WWOX: variants seen among roughly 807,000 people sequenced by gnomAD.
WWOX encodes WW domain containing oxidoreductase.
In WWOX, 69 loss-of-function variants were observed where a neutral mutation model predicts 46.2. That is an observed-to-expected ratio of 1.49 (90% confidence interval 1.23 to 1.82). The LOEUF is 1.82. WWOX is among the 40% of genes most tolerant of loss of function. WWOX has a pLI of 0.00. For synonymous variants in WWOX, 359 were observed against 202.6 expected, an observed-to-expected ratio of 1.77 and a Z score of -6.56; for missense variants, 919 against 542.6, an observed-to-expected ratio of 1.69 and a Z score of -6.89.
chr16:78,658,880 T>C (rs1391020197), intron 8 of WWOX, among the ~76,000 whole-genome samples: 13 of 149,858 alleles, frequency 8.7e-5, no homozygotes, highest in Admixed American at 8.0e-4. Flanking sequence ...TCACTTGAGG[T>C]CAGGAGTTTG....
At chr16:78,301,755 C>T (rs2080044988) in intron 5 of WWOX, among the ~76,000 whole-genome samples, 1 of 152,126 alleles carries the variant, frequency 6.6e-6, no homozygotes, top group Non-Finnish European at 1.5e-5. Context: ...ACTGATGGTT[C>T]AACTACAGCA....
chr16:78,579,187 G>T (rs2044983297), intron 8 of WWOX, among the ~76,000 whole-genome samples: 1 of 152,124 alleles, frequency 6.6e-6, no homozygotes, highest in Non-Finnish European at 1.5e-5. Context: ...GTCCCTATTT[G>T]TGGGTGTTAC....
At chr16:79,211,477 T>A in intron 8 of WWOX, 131 bp from the exon 9 acceptor site, 1 of 1,178,602 alleles carries the variant, frequency 8.5e-7, no homozygotes, top group South Asian at 1.3e-5. Context: ...CCAGTACCCT[T>A]TGCTATGCCA....
chr16:79,067,786 C>T (rs2048470129), intron 8 of WWOX, among the ~76,000 whole-genome samples: 1 of 152,168 alleles, frequency 6.6e-6, no homozygotes, highest in African/African-American at 2.4e-5. Flanking sequence ...TTACTGAGGA[C>T]TTTGTGGTTC....
intron 8 of WWOX, among the ~76,000 whole-genome samples, chr16:78,885,521 G>GAAACTAATTA (rs1214309495): frequency 2.0e-5 from 3 of 152,240 alleles, no homozygotes; most frequent in South Asian, 2.1e-4. Flanking sequence ...TTTTCCCAGT[G>GAAACTAATTA]AAACTAATTA....
chr16:78,820,310 A>C (rs2051458921), intron 8 of WWOX, among the ~76,000 whole-genome samples: 1 of 152,202 alleles, frequency 6.6e-6, no homozygotes, highest in African/African-American at 2.4e-5. Context: ...AGTTTTGGCT[A>C]CTGAAGACGT....
chr16:78,231,805 T>C (rs2037274278), intron 5 of WWOX, among the ~76,000 whole-genome samples: 1 of 152,142 alleles, frequency 6.6e-6, no homozygotes, highest in South Asian at 2.1e-4. Context: ...TCAATGTCTT[T>C]TTTGAGGAGG....
intron 4 of WWOX, among the ~76,000 whole-genome samples, chr16:78,130,784 C>T (rs2033558938): frequency 6.6e-6 from 1 of 152,212 alleles, no homozygotes; most frequent in Non-Finnish European, 1.5e-5. Flanking sequence ...GCTAAGACTT[C>T]AGTGTAGAAA....
At chr16:78,395,617 G>A (rs2082266813) in intron 6 of WWOX, among the ~76,000 whole-genome samples, 2 of 152,142 alleles carry the variant, frequency 1.3e-5, no homozygotes, top group African/African-American at 2.4e-5. Flanking sequence ...ACCAAGAGAA[G>A]AAGGGAAATG....
chr16:78,107,877 A>G (rs969733950), intron 1 of WWOX, among the ~76,000 whole-genome samples: 1 of 152,090 alleles, frequency 6.6e-6, no homozygotes, highest in Admixed American at 6.5e-5. Flanking sequence ...TTGTCCCTAC[A>G]TCGTGGAATA....
Position 78,432,583 on chromosome 16 carries a change from C to A in WWOX, c.887C>A (p.Ser296Tyr). The change falls in exon 8 of 9, where the codon TCC becomes TAC. Residue 296 changes from serine (S) to tyrosine (Y), a missense_variant. Ser to Tyr is a moderately radical substitution (Grantham distance 144, BLOSUM62 -2). Coordinates refer to ENST00000566780, the MANE Select transcript of WWOX (RefSeq NM_016373.4). ...TGGGCGATGCTGGCTTATAACAGGT[C>A]CAAGCTCTGCAACATCCTCTTCTCC... ...DYWAMLAYNR[S>Y]KLCNILFSNE... The A allele has an allele frequency of 6.2e-7, 1 of 1,614,210 alleles. No homozygotes were observed. Among genetic ancestry groups the A allele is most frequent in the Non-Finnish European group, 8.5e-7 (1 of 1,180,048 alleles).
intron 8 of WWOX, among the ~76,000 whole-genome samples, chr16:78,818,253 C>A (rs530452277): frequency 6.6e-6 from 1 of 152,214 alleles, no homozygotes; most frequent in African/African-American, 2.4e-5. Flanking sequence ...GAGACCTGGG[C>A]TGCACATCAG....
chr16:78,219,903 C>T (rs560241188), intron 5 of WWOX, among the ~76,000 whole-genome samples: 2 of 152,050 alleles, frequency 1.3e-5, no homozygotes, highest in African/African-American at 4.8e-5. Flanking sequence ...CTGAAACTTA[C>T]CAAACATTGT....
intron 8 of WWOX, among the ~76,000 whole-genome samples, chr16:78,641,393 G>T (rs1046127097): frequency 1.3e-5 from 2 of 152,100 alleles, no homozygotes; most frequent in African/African-American, 2.4e-5. Context: ...TGTAGTGTCA[G>T]GGTTATCAAT....
chr16:79,057,467 G>C lies in WWOX; in HGVS notation c.1057-154141G>C, dbSNP rs147891553. ...TCAATTCTCAGGCTCCTTCTCATTAGAGTCTTTCTGTAAAGACCATTATTA... is the reference window on the plus strand; with the variant it reads ...TCAATTCTCAGGCTCCTTCTCATTACAGTCTTTCTGTAAAGACCATTATTA... On this transcript the variant is annotated intron_variant, in intron 8 of 8. Coordinates refer to ENST00000566780, the MANE Select transcript of WWOX (RefSeq NM_016373.4). Among the ~76,000 whole-genome samples the C allele has an allele frequency of 1.3e-3, 192 of 152,314 alleles. 1 individual carries two copies. Among genetic ancestry groups the C allele is most frequent in the Admixed American group, 4.8e-3 (74 of 15,300 alleles).
At chr16:78,860,923 C>T (rs1215957343) in intron 8 of WWOX, among the ~76,000 whole-genome samples, 1 of 152,180 alleles carries the variant, frequency 6.6e-6, no homozygotes, top group Non-Finnish European at 1.5e-5. Context: ...CCAGGTGATC[C>T]TCCCACTTCA....
intron 8 of WWOX, among the ~76,000 whole-genome samples, chr16:78,605,287 G>C (rs2045728322): frequency 6.6e-6 from 1 of 150,896 alleles, no homozygotes; most frequent in Admixed American, 6.6e-5. Context: ...CTCTTCCTCT[G>C]TCTCCCTCAT....
At chr16:78,429,562 G>C (rs2083169233) in intron 7 of WWOX, among the ~76,000 whole-genome samples, 1 of 151,938 alleles carries the variant, frequency 6.6e-6, no homozygotes, top group Non-Finnish European at 1.5e-5. Context: ...GGAGGGGGTG[G>C]TGCTATATTT....
chr16:78,800,233 T>G (rs2050851163), intron 8 of WWOX, among the ~76,000 whole-genome samples: 1 of 147,206 alleles, frequency 6.8e-6, no homozygotes, highest in African/African-American at 2.5e-5. Flanking sequence ...GTGTAAATGT[T>G]CATTGTTCCA....
Sources: allele counts gnomAD v4.1 joint callset (sites outside exome capture counted in the v4.1 genomes callset), GRCh38; gene constraint gnomAD v4.1.1; transcripts MANE v1.5; gene names NCBI Gene and HGNC (gene_info 2026-07-23, HGNC 2026-07-21).